The following SNX30 variants were observed in gnomAD, a reference collection of about 807,000 sequenced individuals.
The protein encoded by SNX30 is sorting nexin family member 30, also known as sorting nexin-30.
In SNX30, 24 loss-of-function variants were observed where a neutral mutation model predicts 46.4. That is an observed-to-expected ratio of 0.52 (90% CI 0.37 to 0.73). The LOEUF (loss-of-function observed/expected upper bound fraction) is 0.73, where lower values mean the gene tolerates loss of function less well. SNX30 is among the 30% of genes least tolerant of loss of function. The pLI, the probability that SNX30 is intolerant of heterozygous loss-of-function variation, is 0.00. For missense variants in SNX30, 533 were observed against 555.7 expected (o/e 0.96, Z 0.41); for synonymous variants, 189 against 211.5 (o/e 0.89, Z 0.92).
chr9:112,874,352 G>T lies in SNX30; in HGVS notation c.*5509G>T, dbSNP rs1336143738. The T allele has an allele frequency of 1.3e-5, 2 of 152,188 alleles. No individual in the cohort carries two copies. Among genetic ancestry groups the T allele is most frequent in the Non-Finnish European group, 2.9e-5 (2 of 68,034 alleles). The allele number at this position is 152,188 out of a possible 1,614,324, so 9.4% of individuals were successfully genotyped here. On this transcript the variant is annotated 3_prime_UTR_variant, in exon 9 of 9. Transcript: ENST00000374232. ...TGTTCCCTTCATTGCTGTGAGTTGGGAGTGCATTGAGAGATGATGTCCATC... is the reference window on the plus strand; with the variant it reads ...TGTTCCCTTCATTGCTGTGAGTTGGTAGTGCATTGAGAGATGATGTCCATC...
At chr9:112,883,196 A>T (rs981560075), downstream of SNX30, among the ~76,000 whole-genome samples, 1 of 152,188 alleles carries the variant, frequency 6.6e-6, no homozygotes, top group Non-Finnish European at 1.5e-5. Context: ...GTGAGACAGC[A>T]CGTGCAGACC....
upstream of SNX30, chr9:112,750,716 G>T (rs954015038): frequency 6.6e-6 from 1 of 151,098 alleles, no homozygotes; most frequent in Admixed American, 6.6e-5. Flanking sequence ...CCTCGGGGGC[G>T]GGGCCGGAGC....
intron 8 of SNX30, among the ~76,000 whole-genome samples, chr9:112,865,649 A>ATGTGTGTGTGTGTGTG (rs1377711834): frequency 1.7e-4 from 15 of 86,050 alleles, no homozygotes; most frequent in Non-Finnish European, 3.7e-4. Context: ...ATATATATAT[A>ATGTGTGTGTGTGTGTG]TATATATATA....
rs1350098623 is a variant in SNX30, at chr9:112,850,716, G to A, written c.1015-143G>A. On this transcript the variant is annotated intron_variant, in intron 6 of 8. Transcript: ENST00000374232. ...TGCTTCCTCCAGAGTTTCTGCCATG[G>A]CCAGACTGTCCTAGGAGCACATGGC... is the stretch of plus-strand genomic sequence containing the variant. 3 of 507,460 alleles carry A rather than the reference G, an allele frequency of 5.9e-6. No homozygotes were observed. In the South Asian group the frequency reaches 1.2e-4, roughly 20 times the overall value. The allele number at this position is 507,460 out of a possible 1,614,324, so 31.4% of individuals were successfully genotyped here. A position where few individuals can be genotyped will look rare whatever the true frequency, so the allele number is the denominator to read the frequency against.
chr9:112,769,686 T>TA (rs1839614686), intron 1 of SNX30, among the ~76,000 whole-genome samples: 2 of 152,322 alleles, frequency 1.3e-5, no homozygotes, highest in Admixed American at 6.5e-5. Context: ...TCCATTCTGA[T>TA]ATGGCCTCTC....
chr9:112,768,659 T>C (rs1355425605), intron 1 of SNX30, among the ~76,000 whole-genome samples: 6,825 of 132,938 alleles, frequency 0.051, 810 homozygotes, highest in African/African-American at 0.16. Flanking sequence ...TTTTTTTTTT[T>C]TTTTTTTTTT....
chr9:112,846,280 C>G (rs574503442), intron 6 of SNX30, among the ~76,000 whole-genome samples: 35 of 152,306 alleles, frequency 2.3e-4, no homozygotes, highest in Non-Finnish European at 4.0e-4. Context: ...CTGATTGTGT[C>G]TGTGTGATGA....
chr9:112,788,972 T>C (rs1839974450), intron 1 of SNX30, among the ~76,000 whole-genome samples: 2 of 152,136 alleles, frequency 1.3e-5, no homozygotes. Flanking sequence ...ATTTTTGTAT[T>C]TTTTGTAGAG....
chr9:112,784,043 A>G (rs911585961), intron 1 of SNX30, among the ~76,000 whole-genome samples: 3 of 152,200 alleles, frequency 2.0e-5, no homozygotes, highest in Admixed American at 2.0e-4. Context: ...GAATAATAGC[A>G]GTTTCTAATC....
rs761802122 is a variant in SNX30, at chr9:112,874,975, G to T, written c.*6132G>T. 1 of 152,164 alleles carries T rather than the reference G, an allele frequency of 6.6e-6. No homozygotes were observed. Among genetic ancestry groups the T allele is most frequent in the Non-Finnish European group, 1.5e-5 (1 of 68,024 alleles). The allele number at this position is 152,164 out of a possible 1,614,324, so 9.4% of individuals were successfully genotyped here. A position where few individuals can be genotyped will look rare whatever the true frequency, so the allele number is the denominator to read the frequency against. On this transcript the variant is annotated 3_prime_UTR_variant, in exon 9 of 9. Transcript: ENST00000374232. ...TTAAAGGACCAATAAACCCATAAAA[G>T]ATGCTTTCTTTATCTGGAGTCATGT...
intron 1 of SNX30, among the ~76,000 whole-genome samples, chr9:112,768,710 G>A (rs1304783986): frequency 2.3e-5 from 3 of 127,926 alleles, no homozygotes; most frequent in African/African-American, 8.9e-5. Flanking sequence ...AGGCTAGAGT[G>A]CAATGGTACG....
chr9:112,838,433 C>T (rs1417700984), intron 5 of SNX30, 65 bp from the exon 6 acceptor site: 5 of 1,399,970 alleles, frequency 3.6e-6, no homozygotes, highest in Non-Finnish European at 4.9e-6. Context: ...GTGGTGATTA[C>T]TGAGTCAGTA....
chr9:112,867,009 TCCC>T, intron 8 of SNX30, among the ~76,000 whole-genome samples: 1 of 144,026 alleles, frequency 6.9e-6, no homozygotes, highest in Non-Finnish European at 1.5e-5. Flanking sequence ...TCAGAACTCC[TCCC>T]CCCTCCTCAG....
At chr9:112,806,283 A>T (rs2131404563) in intron 2 of SNX30, among the ~76,000 whole-genome samples, 1 of 152,310 alleles carries the variant, frequency 6.6e-6, no homozygotes, top group South Asian at 2.1e-4. Flanking sequence ...TTAGAGGAAG[A>T]ATGACAATAT....
chr9:112,772,595 A>G lies in SNX30; in HGVS notation c.156+21438A>G, dbSNP rs1270045988. Among the ~76,000 whole-genome samples, 3 of 152,178 alleles carry G rather than the reference A, an allele frequency of 2.0e-5. No homozygotes were observed. The East Asian group carries it at 5.8e-4, about 29-fold the overall frequency. On this transcript the variant is annotated intron_variant, in intron 1 of 8. Transcript: ENST00000374232. Reference sequence around the variant, plus strand: ...TTCACTTCCAGTCTGACTCTGAAGAACAAGGTAGCCACTGTATTTTGCTTT... The same window carrying G: ...TTCACTTCCAGTCTGACTCTGAAGAGCAAGGTAGCCACTGTATTTTGCTTT...
chr9:112,753,200 A>G (rs1009264348), intron 1 of SNX30, among the ~76,000 whole-genome samples: 2 of 152,150 alleles, frequency 1.3e-5, no homozygotes, highest in Non-Finnish European at 2.9e-5. Flanking sequence ...CGATTCACTC[A>G]TGGATGATAC....
intron 3 of SNX30, among the ~76,000 whole-genome samples, chr9:112,822,819 C>T (rs965799556): frequency 1.3e-5 from 2 of 152,168 alleles, no homozygotes; most frequent in Admixed American, 1.3e-4. Flanking sequence ...CATAAATTAT[C>T]TTTGTCCGGT....
chr9:112,798,121 CTTTTTTTTTTT>C (rs57300324), intron 1 of SNX30, among the ~76,000 whole-genome samples: 2 of 77,890 alleles, frequency 2.6e-5, no homozygotes, highest in East Asian at 3.8e-4. Context: ...TTTTTTTTTT[CTTTTTTTTTTT>C]TTTTTTTTAT....
chr9:112,809,606 C>T (rs1840286015), intron 2 of SNX30, among the ~76,000 whole-genome samples: 2 of 152,048 alleles, frequency 1.3e-5, no homozygotes, highest in South Asian at 4.1e-4. Flanking sequence ...CAACTAGTTC[C>T]TCTTTCTAAA....
Sources: allele counts gnomAD v4.1 joint callset (sites outside exome capture counted in the v4.1 genomes callset), GRCh38; gene constraint gnomAD v4.1.1; transcripts MANE v1.5; gene names NCBI Gene and HGNC (gene_info 2026-07-23, HGNC 2026-07-21).